Variants in CNNM2 observed in about 807,000 individuals in gnomAD.
CNNM2 encodes the protein metal transporter CNNM2.
A neutral mutation model predicts 66.9 loss-of-function variants in CNNM2; 12 were observed. The ratio of observed to expected loss-of-function variants is 0.18; its 90% confidence interval spans 0.11 to 0.29. The LOEUF is 0.29. CNNM2 is among the 10% of genes least tolerant of loss of function. CNNM2 has a pLI of 1.00. For missense variants in CNNM2, 705 were observed against 1,167.7 expected, an observed-to-expected ratio of 0.60 and a Z score of 5.77; for synonymous variants, 557 against 501.8, an observed-to-expected ratio of 1.11 and a Z score of -1.47.
chr10:103,059,585 A>C (rs2065350313), intron 4 of CNNM2, among the ~76,000 whole-genome samples: 1 of 152,224 alleles, frequency 6.6e-6, no homozygotes, highest in Non-Finnish European at 1.5e-5. Flanking sequence ...TTTTACACCA[A>C]AATGCATTTC....
intron 1 of CNNM2, among the ~76,000 whole-genome samples, chr10:102,926,058 G>A (rs1417413358): frequency 6.6e-6 from 1 of 152,096 alleles, no homozygotes; most frequent in Admixed American, 6.5e-5. Context: ...GGACTGTGGG[G>A]GTGAAGCTTC....
At chr10:103,032,723 A>G (rs1017122394) in intron 1 of CNNM2, among the ~76,000 whole-genome samples, 3 of 138,758 alleles carry the variant, frequency 2.2e-5, no homozygotes, top group South Asian at 4.4e-4. Flanking sequence ...GAATCCTACT[A>G]TATCCACGCT....
Position 103,081,264 on chromosome 10 carries a change from G to T in CNNM2, c.*4084G>T, listed in dbSNP as rs2065755156. 1 of 152,276 alleles carries T rather than the reference G, an allele frequency of 6.6e-6. No homozygotes were observed. Among genetic ancestry groups the T allele is most frequent in the South Asian group, 2.1e-4 (1 of 4,834 alleles). 9.4% of individuals were successfully genotyped at this position (152,276 alleles called of 1,614,324 possible). A position where few individuals can be genotyped will look rare whatever the true frequency, so the allele number is the denominator to read the frequency against. ...GAGAAATACAAGACTGAGCTGGTAG[G>T]TTAGGGTCCAGAAGGCCTCTGAGGT... On this transcript the variant is annotated 3_prime_UTR_variant, in exon 8 of 8. Transcript: ENST00000369878.
intron 1 of CNNM2, among the ~76,000 whole-genome samples, chr10:102,948,145 T>C (rs1846688503): frequency 6.6e-6 from 1 of 152,244 alleles, no homozygotes; most frequent in Non-Finnish European, 1.5e-5. Context: ...AGATCACTTC[T>C]TTCTTGAAAC....
chr10:102,979,228 G>A (rs953949586), intron 1 of CNNM2, among the ~76,000 whole-genome samples: 1 of 152,166 alleles, frequency 6.6e-6, no homozygotes, highest in Non-Finnish European at 1.5e-5. Context: ...GTACCCCAGC[G>A]AGTGATCTTT....
At chr10:103,057,003 GT>G in intron 4 of CNNM2, 39 bp downstream of exon 4, 1 of 1,577,764 alleles carries the variant, frequency 6.3e-7, no homozygotes, top group Non-Finnish European at 8.6e-7. Flanking sequence ...CTCTCACTGA[GT>G]ATCCATCTTT....
At position 102,956,931 on chromosome 10, in the gene CNNM2, A is replaced by G. The variant is rs528424222; in HGVS notation, c.1621+36830A>G. On this transcript the variant is annotated intron_variant, in intron 1 of 7. Coordinates refer to ENST00000369878, the MANE Select transcript of CNNM2 (RefSeq NM_017649.5). The stretch of plus-strand genomic sequence containing the variant: ...AAACCAACATGGCACATGTATACCT[A>G]TGTAACAAACCTGCACGTTGTGCAC... Among the ~76,000 whole-genome samples the G allele has an allele frequency of 3.3e-5, 5 of 152,334 alleles. No homozygotes were observed. In the South Asian group the frequency reaches 6.2e-4, roughly 19 times the overall value.
intron 1 of CNNM2, among the ~76,000 whole-genome samples, chr10:103,006,265 G>A (rs1410560463): frequency 6.6e-6 from 1 of 151,030 alleles, no homozygotes; most frequent in Admixed American, 6.6e-5. Flanking sequence ...GGAGCACAGT[G>A]TCTGGATCTT....
intron 1 of CNNM2, among the ~76,000 whole-genome samples, chr10:102,978,345 T>G (rs1004651856): frequency 6.6e-6 from 1 of 152,070 alleles, no homozygotes; most frequent in Non-Finnish European, 1.5e-5. Context: ...TTTTAATTAA[T>G]GGCCGTCCTG....
chr10:102,919,638 C>T lies in CNNM2; in HGVS notation c.1158C>T (p.Thr386=), dbSNP rs1242620080. 6.2e-7 allele frequency: 1 copy of T among 1,614,082 alleles called. No homozygotes were observed. The highest frequency in any genetic ancestry group is 2.2e-5 in the East Asian group (1 of 44,890). The change falls in exon 1 of 8, where the codon ACC becomes ACT. Residue 386 remains threonine, a synonymous_variant. Coordinates refer to ENST00000369878, the MANE Select transcript of CNNM2 (RefSeq NM_017649.5). ...TCACCAAGTTTTTCATGATGATGAC[C>T]TTCCCCGCTTCCTACCCGGTCAGCA... ...IFLTKFFMMM[T]FPASYPVSKL...
intron 1 of CNNM2, among the ~76,000 whole-genome samples, chr10:102,952,735 G>T (rs888478404): frequency 1.3e-5 from 2 of 152,116 alleles, no homozygotes; most frequent in Non-Finnish European, 2.9e-5. Flanking sequence ...CCCGAGTGTT[G>T]GGGGCAACCT....
intron 1 of CNNM2, among the ~76,000 whole-genome samples, chr10:103,041,247 TG>T (rs934570719): frequency 1.3e-5 from 2 of 152,080 alleles, no homozygotes; most frequent in African/African-American, 4.8e-5. Context: ...CTCTTTCCGG[TG>T]GTAGTTTTCC....
chr10:102,997,491 C>T (rs1038050304), intron 1 of CNNM2, among the ~76,000 whole-genome samples: 7 of 152,012 alleles, frequency 4.6e-5, no homozygotes, highest in African/African-American at 9.7e-5. Flanking sequence ...AAGTTTGCTT[C>T]GAATTCTGAA....
chr10:102,925,115 G>GGAGA (rs1461660659), intron 1 of CNNM2, among the ~76,000 whole-genome samples: 1 of 151,760 alleles, frequency 6.6e-6, no homozygotes, highest in African/African-American at 2.4e-5. Flanking sequence ...TGACCAACAT[G>GGAGA]GAGAGACCTT....
Position 103,062,255 on chromosome 10 carries a change from G to A in CNNM2, c.2073+5291G>A, listed in dbSNP as rs559447515. On this transcript the variant is annotated intron_variant, in intron 4 of 7. Transcript: ENST00000369878. Reference sequence around the variant, plus strand: ...AAAAGGGACTTTTCCCTATAAACGGGGGTCGTCTTGTGGAGTATGGCAGGT... The same window carrying A: ...AAAAGGGACTTTTCCCTATAAACGGAGGTCGTCTTGTGGAGTATGGCAGGT... Among the ~76,000 whole-genome samples, 7 of 152,232 alleles carry A rather than the reference G, an allele frequency of 4.6e-5. No individual in the cohort carries two copies. In the South Asian group the frequency reaches 8.3e-4, roughly 18 times the overall value.
At chr10:102,942,622 G>C (rs1017621078) in intron 1 of CNNM2, among the ~76,000 whole-genome samples, 1 of 152,170 alleles carries the variant, frequency 6.6e-6, no homozygotes, top group Non-Finnish European at 1.5e-5. Context: ...CTATGAACAT[G>C]GGTGTGAAAA....
At chr10:102,922,001 T>C (rs1222267900) in intron 1 of CNNM2, among the ~76,000 whole-genome samples, 2 of 152,218 alleles carry the variant, frequency 1.3e-5, no homozygotes, top group South Asian at 2.1e-4. Flanking sequence ...TTTATTTTCA[T>C]GAGGAGCTGT....
intron 1 of CNNM2, among the ~76,000 whole-genome samples, chr10:102,960,193 AAGT>A (rs1433274407): frequency 6.6e-6 from 1 of 152,218 alleles, no homozygotes; most frequent in Non-Finnish European, 1.5e-5. Context: ...TGCCCAGGAA[AAGT>A]AGTTTTTGAA....
rs770565319 is a variant in CNNM2, at chr10:103,054,450, C to T, written c.1887C>T (p.His629=). Residue 629 remains histidine (H), a synonymous_variant, in exon 3 of 8, where the codon CAC becomes CAT. Coordinates refer to ENST00000369878, the MANE Select transcript of CNNM2 (RefSeq NM_017649.5). The surrounding 1 kb of genome is among the most constrained non-coding windows in gnomAD (Gnocchi z 5.2). ...CACCACAGCTCCTCCTGGCCATGCA[C>T]CGTTTCCTAGCAACAGGCAAGTGCA... ...KISPQLLLAM[H]RFLATEVEAF... is the part of the protein sequence containing the mutation. 3 of 1,613,868 alleles carry T rather than the reference C, an allele frequency of 1.9e-6. No homozygotes were observed. The highest frequency in any genetic ancestry group is 2.2e-5 in the South Asian group (2 of 91,062).
Sources: gnomAD v4.1 joint callset for allele counts (sites outside exome capture counted in the v4.1 genomes callset) on GRCh38, gnomAD v4.1.1 for gene constraint, Gnocchi (gnomAD v3.1) non-coding constraint, MANE v1.5 for transcripts, NCBI Gene and HGNC (gene_info 2026-07-23, HGNC 2026-07-21) for gene names.